The following RSRP1 variants were observed in gnomAD, a reference collection of about 807,000 sequenced individuals.
The protein encoded by RSRP1 is arginine and serine rich protein 1.
In RSRP1, 37 loss-of-function variants were observed where a neutral mutation model predicts 33.0. The ratio of observed to expected loss-of-function variants is 1.12; its 90% confidence interval spans 0.86 to 1.48. The LOEUF (loss-of-function observed/expected upper bound fraction) is 1.48, where lower values mean the gene tolerates loss of function less well. RSRP1 is among the 40% of genes most tolerant of loss of function. RSRP1 has a pLI of 0.00. For synonymous variants in RSRP1, 167 were observed against 158.7 expected, an observed-to-expected ratio of 1.05 and a Z score of -0.40; for missense variants, 402 against 385.3, an observed-to-expected ratio of 1.04 and a Z score of -0.36.
At chr1:25,310,006 A>T (rs1447870436) in intron 1 of RSRP1, among the ~76,000 whole-genome samples, 1 of 132,868 alleles carries the variant, frequency 7.5e-6, no homozygotes, top group Non-Finnish European at 1.8e-5. Context: ...CCCAACTTAT[A>T]TAGTATAAGC....
At chr1:25,260,014 T>G (rs1034038360) in intron 1 of RSRP1, among the ~76,000 whole-genome samples, 10 of 152,158 alleles carry the variant, frequency 6.6e-5, no homozygotes, top group Middle Eastern at 6.8e-3. Flanking sequence ...ATCCCAAGAT[T>G]ATATTATTGT....
chr1:25,323,433 ACTT>A (rs1396472681), intron 1 of RSRP1, among the ~76,000 whole-genome samples: 1 of 113,460 alleles, frequency 8.8e-6, no homozygotes, highest in African/African-American at 3.0e-5. Flanking sequence ...CCACTGAACT[ACTT>A]TCTGTCACTA....
At position 25,290,600 on chromosome 1, in the gene RSRP1, C is replaced by G; in HGVS notation, c.-66-43571G>C. 2.3e-6 allele frequency: 3 copies of G among 1,309,918 alleles called. 1 individual carries two copies. Among genetic ancestry groups the G allele is most frequent in the Non-Finnish European group, 3.3e-6 (3 of 915,626 alleles). The allele number at this position is 1,309,918 out of a possible 1,614,324, so 81.1% of individuals were successfully genotyped here. A position where few individuals can be genotyped will look rare whatever the true frequency, so the allele number is the denominator to read the frequency against. On this transcript the variant is annotated intron_variant, in intron 1 of 1. Transcript: ENST00000561867. The stretch of plus-strand genomic sequence containing the variant: ...GAATGAATGAATGAGTGAGAGGCAT[C>G]CTTCCTTCTCAGTCGTCCTGGCTCT...
At chr1:25,256,688 C>T (rs1639959791) in intron 1 of RSRP1, among the ~76,000 whole-genome samples, 1 of 152,048 alleles carries the variant, frequency 6.6e-6, no homozygotes, top group South Asian at 2.1e-4. Context: ...TAATCTTGAA[C>T]TCCTGGGCTC....
At chr1:25,278,541 G>GA (rs1641212876) in intron 1 of RSRP1, among the ~76,000 whole-genome samples, 1 of 131,408 alleles carries the variant, frequency 7.6e-6, no homozygotes, top group Admixed American at 7.5e-5. Flanking sequence ...TTTGGGGTGG[G>GA]ATGGCCTCAG....
intron 4 of RSRP1, 149 bp from the exon 5 acceptor site, chr1:25,242,854 T>C: frequency 1.7e-6 from 1 of 601,274 alleles, no homozygotes; most frequent in Non-Finnish European, 2.9e-6. Context: ...CCCAGCACTT[T>C]GGAAGGCTGA....
intron 1 of RSRP1, among the ~76,000 whole-genome samples, chr1:25,272,951 C>T (rs1414289234): frequency 7.6e-6 from 1 of 132,044 alleles, no homozygotes; most frequent in African/African-American, 2.6e-5. Flanking sequence ...CTTTGGTGTT[C>T]CTCAAATTCC....
Position 25,270,625 on chromosome 1 carries a change from GA to G in RSRP1, c.-66-23597del, listed in dbSNP as rs1197325425. On this transcript the variant is annotated intron_variant, in intron 1 of 1. Transcript: ENST00000561867. ...CGTCCCTGGTGCCAAAAAGCTTGGGGACCCCTGATCTAGGCTACAGTTAAGT... is the reference window on the plus strand; with the variant it reads ...CGTCCCTGGTGCCAAAAAGCTTGGGGCCCCTGATCTAGGCTACAGTTAAGT... Among the ~76,000 whole-genome samples the G allele has an allele frequency of 2.3e-5, 3 of 132,022 alleles. No individual in the cohort carries two copies. In the East Asian group the frequency reaches 5.9e-4, roughly 26 times the overall value. 86.6% of individuals were successfully genotyped at this position (132,022 alleles called of 152,430 possible).
chr1:25,299,134 C>A lies in RSRP1; in HGVS notation c.-67+38844G>T, dbSNP rs192683185. On this transcript the variant is annotated intron_variant, in intron 1 of 1. Transcript: ENST00000561867. ...CAGTGGCTCATGCCTGTAATCCCAG[C>A]GCTTTGGGAGGCCAAGGCGGATGGA... 1.6e-5 allele frequency among the ~76,000 whole-genome samples: 2 copies of A among 123,822 alleles called. 1 individual carries two copies. The highest frequency in any genetic ancestry group is 3.7e-5 in the Non-Finnish European group (2 of 53,338). The allele number at this position is 123,822 out of a possible 152,430, so 81.2% of individuals were successfully genotyped here. A position where few individuals can be genotyped will look rare whatever the true frequency, so the allele number is the denominator to read the frequency against.
chr1:25,246,136 T>C (rs1639366295), intron 2 of RSRP1: 3 of 340,568 alleles, frequency 8.8e-6, no homozygotes, highest in Non-Finnish European at 1.6e-5. Flanking sequence ...ATATTGTTCT[T>C]CCCAATCACG....
At chr1:25,284,857 T>C in intron 1 of RSRP1, 12 of 1,177,826 alleles carry the variant, frequency 1.0e-5, no homozygotes, top group Non-Finnish European at 1.5e-5. Context: ...CCTCTCTGTC[T>C]AGCACCAGTG....
chr1:25,250,915 A>G (rs372718569), upstream of RSRP1, among the ~76,000 whole-genome samples: 8 of 152,306 alleles, frequency 5.3e-5, no homozygotes, highest in South Asian at 4.1e-4. Context: ...AGGCTGAGGC[A>G]AGAGAATCAC....
At chr1:25,293,104 G>C (rs1213993348) in intron 1 of RSRP1, among the ~76,000 whole-genome samples, 1 of 131,790 alleles carries the variant, frequency 7.6e-6, no homozygotes, top group East Asian at 2.0e-4. Context: ...GCAACAGCCT[G>C]GCTTGACTGA....
In RSRP1 at chr1:25,271,030, T is replaced by G. The variant is rs1278420234; in HGVS notation, c.-66-24001A>C. Among the ~76,000 whole-genome samples the G allele has an allele frequency of 1.5e-5, 2 of 130,622 alleles. 1 individual carries two copies. Among genetic ancestry groups the G allele is most frequent in the African/African-American group, 5.2e-5 (2 of 38,330 alleles). 85.7% of individuals were successfully genotyped at this position (130,622 alleles called of 152,430 possible). A position where few individuals can be genotyped will look rare whatever the true frequency, so the allele number is the denominator to read the frequency against. ...TAAACAGTCTATCCTCTGTGTCAGT[T>G]TTGATAAAAGCGTTTTCCTCTTGCT... On this transcript the variant is annotated intron_variant, in intron 1 of 1. Transcript: ENST00000561867.
Position 25,323,574 on chromosome 1 carries a change from C to T in RSRP1, c.-67+14404G>A, listed in dbSNP as rs1211786849. The stretch of plus-strand genomic sequence containing the variant: ...CCCCAGGCTCAGGAGATCCTCCCCC[C>T]TCAGCCTCCTGAGTAGCTAGGACCA... On this transcript the variant is annotated intron_variant, in intron 1 of 1. Transcript: ENST00000561867. 2.4e-5 allele frequency among the ~76,000 whole-genome samples: 3 copies of T among 125,900 alleles called. No individual in the cohort carries two copies. In the East Asian group the frequency reaches 6.0e-4, roughly 25 times the overall value. 82.6% of individuals were successfully genotyped at this position (125,900 alleles called of 152,430 possible).
rs1039641967 is a variant in RSRP1, at chr1:25,246,638, G to T, written c.326C>A (p.Ser109Ter). The change falls in exon 2 of 5, where the codon TCG becomes TAG. Residue 109 changes from serine to a stop codon, truncating the protein, a stop_gained. Coordinates refer to ENST00000243189, the MANE Select transcript of RSRP1 (RefSeq NM_020317.5). LOFTEE classifies it high-confidence loss of function. ...GFTRRYYRSP[S>*]RYRSRSRSRS... ...GCTACGGGACCGGGACCGGTACCGC[G>T]AAGGAGACCGGTAGTATCTCCTGGT... is the stretch of plus-strand genomic sequence containing the variant. The T allele has an allele frequency of 6.8e-6, 11 of 1,613,966 alleles. No individual in the cohort carries two copies. Among genetic ancestry groups the T allele is most frequent in the Non-Finnish European group, 8.5e-6 (10 of 1,179,974 alleles).
At chr1:25,246,106 C>T (rs915654402) in intron 2 of RSRP1, 1 of 255,464 alleles carries the variant, frequency 3.9e-6, no homozygotes, top group African/African-American at 2.2e-5. Flanking sequence ...ATAATGTCAA[C>T]TAAAAGAAGG....
intron 1 of RSRP1, among the ~76,000 whole-genome samples, chr1:25,298,952 G>C (rs1643155077): frequency 7.9e-6 from 1 of 127,360 alleles, no homozygotes; most frequent in East Asian, 2.0e-4. Context: ...TTTGAGTACA[G>C]ACCTGAAGGT....
chr1:25,285,218 T>G (rs1641868732), intron 1 of RSRP1, among the ~76,000 whole-genome samples: 1 of 129,832 alleles, frequency 7.7e-6, no homozygotes, highest in Non-Finnish European at 1.8e-5. Flanking sequence ...CACCACAACC[T>G]CAGCCTTCTG....
Sources: allele counts gnomAD v4.1 joint callset (sites outside exome capture counted in the v4.1 genomes callset), GRCh38; gene constraint gnomAD v4.1.1; transcripts MANE v1.5; gene names NCBI Gene and HGNC (gene_info 2026-07-23, HGNC 2026-07-21).